Variants in BNC2 observed in about 807,000 individuals in gnomAD.
BNC2 encodes basonuclin zinc finger protein 2.
A neutral mutation model predicts 76.3 loss-of-function variants in BNC2; 20 were observed. The observed-to-expected ratio is 0.26, with a 90% CI of 0.18 to 0.38. The LOEUF (loss-of-function observed/expected upper bound fraction) is 0.38. BNC2 is among the 10% of genes least tolerant of loss of function. The pLI, the probability that BNC2 is intolerant of heterozygous loss-of-function variation, is 1.00. For missense variants in BNC2, 1,382 were observed against 1,399.8 expected (o/e 0.99, Z 0.20); for synonymous variants, 582 against 514.8 (o/e 1.13, Z -1.77).
chr9:16,793,766 C>T (rs1341690822), intron 1 of BNC2, among the ~76,000 whole-genome samples: 1 of 145,796 alleles, frequency 6.9e-6, no homozygotes, highest in Non-Finnish European at 1.5e-5. Flanking sequence ...CCCGGGTTCA[C>T]GCCATTCTCC....
At chr9:16,548,913 T>C (rs984767721) in intron 5 of BNC2, among the ~76,000 whole-genome samples, 26 of 152,252 alleles carry the variant, frequency 1.7e-4, no homozygotes, top group Admixed American at 1.1e-3. Context: ...GTAGTCCAAG[T>C]TATGTTATGC....
intron 3 of BNC2, among the ~76,000 whole-genome samples, chr9:16,638,293 A>G (rs1354501988): frequency 1.3e-5 from 2 of 152,214 alleles, no homozygotes; most frequent in Non-Finnish European, 1.5e-5. Flanking sequence ...TACATACATA[A>G]GCAAACTTTT....
chr9:16,679,487 G>A (rs1822759051), intron 3 of BNC2, among the ~76,000 whole-genome samples: 2 of 152,164 alleles, frequency 1.3e-5, no homozygotes, highest in African/African-American at 4.8e-5. Flanking sequence ...CATGTGCATG[G>A]CAAATGGAAT....
chr9:16,471,913 A>T (rs983089611), intron 5 of BNC2, among the ~76,000 whole-genome samples: 2 of 152,100 alleles, frequency 1.3e-5, no homozygotes, highest in African/African-American at 4.8e-5. Context: ...TGCAATAGTG[A>T]ATAAGTCTCA....
chr9:16,599,370 G>A (rs886980714), intron 3 of BNC2, among the ~76,000 whole-genome samples: 3 of 152,198 alleles, frequency 2.0e-5, no homozygotes, highest in African/African-American at 7.2e-5. Flanking sequence ...CTTGCTGCAA[G>A]GCAGAGATGG....
At chr9:16,704,153 G>A (rs2134621361) in intron 3 of BNC2, among the ~76,000 whole-genome samples, 1 of 152,294 alleles carries the variant, frequency 6.6e-6, no homozygotes, top group Non-Finnish European at 1.5e-5. Flanking sequence ...TCAGAAAGCT[G>A]TTCCACACAT....
intron 5 of BNC2, among the ~76,000 whole-genome samples, chr9:16,446,575 A>T (rs1821236080): frequency 6.6e-6 from 1 of 152,164 alleles, no homozygotes; most frequent in Admixed American, 6.5e-5. Context: ...TCACCTCTCT[A>T]ACCAAAATAA....
chr9:16,761,317 A>G (rs374501816), intron 1 of BNC2, among the ~76,000 whole-genome samples: 4 of 152,322 alleles, frequency 2.6e-5, no homozygotes, highest in African/African-American at 9.6e-5. Context: ...TTTCTGGTAT[A>G]GAGGTAGCAA....
At chr9:16,421,401 A>G (rs1820707208) in intron 6 of BNC2, 1 of 650,348 alleles carries the variant, frequency 1.5e-6, no homozygotes, top group African/African-American at 1.9e-5. Context: ...TGGTTTTGAA[A>G]AACTTAAACA....
intron 3 of BNC2, among the ~76,000 whole-genome samples, chr9:16,687,663 T>C (rs1418390628): frequency 1.3e-5 from 2 of 152,156 alleles, no homozygotes; most frequent in Admixed American, 6.5e-5. Flanking sequence ...CAGTAAGCCA[T>C]ATATTGCAAA....
chr9:16,496,114 G>C (rs1822384234), intron 5 of BNC2, among the ~76,000 whole-genome samples: 1 of 151,816 alleles, frequency 6.6e-6, no homozygotes, highest in Admixed American at 6.6e-5. Context: ...TCGCCATGTT[G>C]GACAGGCTGG....
rs1823310612 is a variant in BNC2 at position 16,695,528 on chromosome 9, TTTC to T, written c.330+32266_330+32268del. Among the ~76,000 whole-genome samples, 7 of 118,508 alleles carry T rather than the reference TTTC, an allele frequency of 5.9e-5. No individual in the cohort carries two copies. The South Asian group carries it at 1.2e-3, about 20-fold the overall frequency. The allele number at this position is 118,508 out of a possible 152,430, so 77.7% of individuals were successfully genotyped here. A position where few individuals can be genotyped will look rare whatever the true frequency, so the allele number is the denominator to read the frequency against. On this transcript the variant is annotated intron_variant, in intron 3 of 6. Coordinates refer to ENST00000380672, the MANE Select transcript of BNC2 (RefSeq NM_017637.6). ...TTCTTTTTAGCTAAATTTTTTTCTT[TTTC>T]TTTCTTTTTTTTTTTTTTTTTTGAT...
At chr9:16,652,987 T>C (rs1821834268) in intron 3 of BNC2, among the ~76,000 whole-genome samples, 1 of 152,168 alleles carries the variant, frequency 6.6e-6, no homozygotes, top group Non-Finnish European at 1.5e-5. Flanking sequence ...GGGATCAAGT[T>C]TTGAACTCTT....
Position 16,790,629 on chromosome 9 carries a change from A to G in BNC2, c.4-52144T>C, listed in dbSNP as rs12001478. 6.7e-3 allele frequency among the ~76,000 whole-genome samples: 1,025 copies of G among 152,230 alleles called. 11 individuals are homozygous for G. Among genetic ancestry groups the G allele is most frequent in the African/African-American group, 0.023 (953 of 41,516 alleles). ...TTATCCTTTGTGTTTTCACAGTTAT[A>G]CAATATCTGTGAGAGTTCCTCTCAT... On this transcript the variant is annotated intron_variant, in intron 1 of 6. Coordinates refer to ENST00000380672, the MANE Select transcript of BNC2 (RefSeq NM_017637.6).
intron 5 of BNC2, among the ~76,000 whole-genome samples, chr9:16,518,611 T>TG (rs35177222): frequency 0.34 from 42,592 of 126,836 alleles, 6,234 homozygotes; most frequent in African/African-American, 0.39. Flanking sequence ...TTTGTTTGTT[T>TG]TTTGTTTTTT....
intron 3 of BNC2, among the ~76,000 whole-genome samples, chr9:16,634,790 C>G (rs938014462): frequency 1.3e-5 from 2 of 152,140 alleles, no homozygotes; most frequent in Non-Finnish European, 2.9e-5. Flanking sequence ...CGTGAACAAC[C>G]GCGCCCGGCC....
At chr9:16,548,771 G>A (rs1182685259) in intron 5 of BNC2, among the ~76,000 whole-genome samples, 1 of 152,108 alleles carries the variant, frequency 6.6e-6, no homozygotes, top group Non-Finnish European at 1.5e-5. Flanking sequence ...TCATCTAATT[G>A]CATATTCCCA....
At chr9:16,695,674 C>T (rs1310178643) in intron 3 of BNC2, among the ~76,000 whole-genome samples, 4 of 151,942 alleles carry the variant, frequency 2.6e-5, no homozygotes, top group East Asian at 1.9e-4. Flanking sequence ...ATCATGTGGC[C>T]GCATTTTCTC....
chr9:16,519,888 T>C (rs7045030), intron 5 of BNC2, among the ~76,000 whole-genome samples: 51,209 of 152,012 alleles, frequency 0.34, 9,104 homozygotes, highest in East Asian at 0.49. Context: ...GGAGTTATGT[T>C]CCAGTGGAGG....
Sources: allele counts gnomAD v4.1 joint callset (sites outside exome capture counted in the v4.1 genomes callset), GRCh38; gene constraint gnomAD v4.1.1; transcripts MANE v1.5; gene names NCBI Gene and HGNC (gene_info 2026-07-23, HGNC 2026-07-21).